The following ARNT variants were observed in gnomAD, a reference collection of about 807,000 sequenced individuals.
The protein encoded by ARNT is aryl hydrocarbon receptor nuclear translocator.
A neutral mutation model predicts 105.0 loss-of-function variants in ARNT; 30 were observed. The ratio of observed to expected loss-of-function variants is 0.29; its 90% CI spans 0.21 to 0.39. The LOEUF (loss-of-function observed/expected upper bound fraction) is 0.39, where lower values mean the gene tolerates loss of function less well. Among genes scored for constraint, ARNT ranks in the 10% least tolerant of loss-of-function variants. The pLI is 1.00. For synonymous variants in ARNT, 304 were observed against 344.0 expected (o/e 0.88, Z 1.29); for missense variants, 748 against 978.7 (o/e 0.76, Z 3.15).
At chr1:150,818,139 G>A in intron 14 of ARNT, 109 bp from the exon 15 acceptor site, 3 of 727,808 alleles carry the variant, frequency 4.1e-6, no homozygotes, top group Non-Finnish European at 6.7e-6. Context: ...AGATTCATCT[G>A]TAGGTGGAAC....
chr1:150,864,883 C>CAA (rs587599690), intron 1 of ARNT, among the ~76,000 whole-genome samples: 91 of 75,696 alleles, frequency 1.2e-3, no homozygotes, highest in African/African-American at 3.4e-3. Flanking sequence ...TTCTTTAAAT[C>CAA]AAAAAAAAAA....
At chr1:150,842,543 A>G in intron 4 of ARNT, 75 bp from the exon 5 acceptor site, 1 of 1,335,592 alleles carries the variant, frequency 7.5e-7, no homozygotes, top group Non-Finnish European at 1.1e-6. Context: ...GAGGAAGGGA[A>G]AAAAGGAAGG....
At chr1:150,852,390 C>CCCAGCTGAGTCCAGTTCTCAGCTGA (rs1663793913) in intron 3 of ARNT, among the ~76,000 whole-genome samples, 2 of 152,270 alleles carry the variant, frequency 1.3e-5, no homozygotes, top group Non-Finnish European at 2.9e-5. Flanking sequence ...ACCCAGCCAT[C>CCCAGCTGAGTCCAGTTCTCAGCTGA]CCAGCTGAGT....
At chr1:150,861,299 C>G (rs1665589901) in intron 1 of ARNT, 1 of 425,632 alleles carries the variant, frequency 2.3e-6, no homozygotes, top group Non-Finnish European at 4.6e-6. Flanking sequence ...AGTCCAAGAT[C>G]AGGCTGGGAA....
At chr1:150,838,118 ATTCT>A (rs1265234906) in intron 6 of ARNT, among the ~76,000 whole-genome samples, 8 of 152,316 alleles carry the variant, frequency 5.3e-5, no homozygotes, top group Non-Finnish European at 8.8e-5. Flanking sequence ...TAAAATCTAA[ATTCT>A]TTAACACCTA....
chr1:150,817,465 T>C, intron 15 of ARNT, 32 bp from the exon 16 acceptor site: 4 of 1,603,590 alleles, frequency 2.5e-6, no homozygotes, highest in Middle Eastern at 1.7e-4. Flanking sequence ...ACAAGACAAA[T>C]AGAAAAAAAA....
intron 4 of ARNT, among the ~76,000 whole-genome samples, chr1:150,845,559 G>A (rs1221404611): frequency 1.3e-5 from 2 of 151,792 alleles, no homozygotes; most frequent in African/African-American, 2.4e-5. Context: ...AGTGAGCCGA[G>A]ATTACACCAC....
At chr1:150,813,361 T>C (rs758410825) in intron 20 of ARNT, 23 bp from the exon 21 acceptor site, 7 of 1,568,034 alleles carry the variant, frequency 4.5e-6, no homozygotes, top group African/African-American at 4.1e-5. Context: ...CAAGGAAGAA[T>C]AAACAACTCC....
chr1:150,873,305 C>CA (rs587775382), intron 1 of ARNT, among the ~76,000 whole-genome samples: 73,396 of 145,946 alleles, frequency 0.5, 21,114 homozygotes, highest in Non-Finnish European at 0.64. Context: ...AACAAACAAA[C>CA]AAAAAAAAAA....
chr1:150,866,694 C>CAT (rs970116102), intron 1 of ARNT, among the ~76,000 whole-genome samples: 2 of 149,800 alleles, frequency 1.3e-5, no homozygotes, highest in African/African-American at 5.1e-5. Flanking sequence ...TACACACATA[C>CAT]ATATACACAC....
rs188529252 is a variant in ARNT, at chr1:150,852,409, C to T, written c.182+353G>A. Among the ~76,000 whole-genome samples, 14 of 152,280 alleles carry T rather than the reference C, an allele frequency of 9.2e-5. No homozygotes were observed. In the East Asian group the frequency reaches 2.5e-3, roughly 27 times the overall value. ...AGCCATCCCAGCTGAGTCCAGTTCT[C>T]AGCTGACCAGCTGAGAATGCAGTCT... On this transcript the variant is annotated intron_variant, in intron 3 of 21. Transcript: ENST00000358595.
At chr1:150,860,939 G>A (rs1665521516) in intron 1 of ARNT, among the ~76,000 whole-genome samples, 1 of 151,984 alleles carries the variant, frequency 6.6e-6, no homozygotes, top group Non-Finnish European at 1.5e-5. Flanking sequence ...ATTTTAAAAT[G>A]GGCAAAGAAC....
chr1:150,862,701 T>A (rs1241815587), intron 1 of ARNT, among the ~76,000 whole-genome samples: 2 of 119,570 alleles, frequency 1.7e-5, no homozygotes, highest in Non-Finnish European at 3.3e-5. Context: ...CATAGTGAGA[T>A]CCTGCCTCTG....
intron 4 of ARNT, 145 bp downstream of exon 4, chr1:150,846,118 G>T: frequency 1.6e-6 from 1 of 637,816 alleles, no homozygotes; most frequent in Non-Finnish European, 2.7e-6. Flanking sequence ...ATAATACTAA[G>T]TTTCACATAC....
chr1:150,813,941 CTAAA>C lies in ARNT; in HGVS notation c.2113+132_2113+135del, dbSNP rs1480829973. The C allele has an allele frequency of 4.8e-6, 6 of 1,252,662 alleles. No individual in the cohort carries two copies. The African/African-American group carries it at 9.0e-5, about 19-fold the overall frequency. 77.6% of individuals were successfully genotyped at this position (1,252,662 alleles called of 1,614,324 possible). On this transcript the variant is annotated intron_variant, in intron 20 of 21. Transcript: ENST00000358595. Reference sequence around the variant, plus strand: ...GCACCCAGCTGGTAGGTTTTAAATTCTAAATAGATTGTCACCTTGCATTTCCCTA... The same window carrying C: ...GCACCCAGCTGGTAGGTTTTAAATTCTAGATTGTCACCTTGCATTTCCCTA...
chr1:150,876,413 G>A (rs1156838896), intron 1 of ARNT, 130 bp downstream of exon 1: 3 of 1,022,584 alleles, frequency 2.9e-6, no homozygotes, highest in African/African-American at 1.8e-5. Flanking sequence ...CTCCCCCACC[G>A]TCTCTCGCGG....
intron 1 of ARNT, among the ~76,000 whole-genome samples, chr1:150,871,404 G>A (rs1040999974): frequency 6.8e-6 from 1 of 147,678 alleles, no homozygotes; most frequent in East Asian, 2.1e-4. Flanking sequence ...AGGTTCAAGC[G>A]ATTCTCCCGC....
chr1:150,855,493 C>T (rs774319652), intron 2 of ARNT, among the ~76,000 whole-genome samples: 15 of 151,510 alleles, frequency 9.9e-5, no homozygotes, highest in Admixed American at 4.6e-4. Context: ...ACCCAGGAGG[C>T]GGAGCTTGCA....
chr1:150,820,401 G>T (rs974226109), intron 14 of ARNT, among the ~76,000 whole-genome samples: 1 of 152,180 alleles, frequency 6.6e-6, no homozygotes, highest in African/African-American at 2.4e-5. Flanking sequence ...AGTGGCTTAC[G>T]CCTGTGATCC....
Sources: allele counts gnomAD v4.1 joint callset (sites outside exome capture counted in the v4.1 genomes callset), GRCh38; gene constraint gnomAD v4.1.1; transcripts MANE v1.5; gene names NCBI Gene and HGNC (gene_info 2026-07-23, HGNC 2026-07-21).